Variants in MYT1L observed in about 807,000 individuals in gnomAD.
MYT1L encodes the protein myelin transcription factor 1 like.
MYT1L carries 12 observed loss-of-function variants against 126.7 expected under a neutral mutation model. That is an observed-to-expected ratio of 0.09 (90% confidence interval 0.06 to 0.15). The LOEUF is 0.15. Ranked by LOEUF, MYT1L falls within the 10% of genes least tolerant of loss-of-function variation. The probability of loss-of-function intolerance (pLI) is 1.00; values close to 1 mark genes in which losing one functional copy is unlikely to be tolerated. For synonymous variants in MYT1L, 541 were observed against 604.2 expected, an observed-to-expected ratio of 0.90 and a Z score of 1.53; for missense variants, 979 against 1,585.2, an observed-to-expected ratio of 0.62 and a Z score of 6.49.
In MYT1L at chr2:2,134,596, G is replaced by T. The variant is rs187740500; in HGVS notation, c.-304+38276C>A. Among the ~76,000 whole-genome samples the T allele has an allele frequency of 1.1e-3, 172 of 152,240 alleles. 1 individual carries two copies. The highest frequency in any genetic ancestry group is 3.5e-3 in the African/African-American group (146 of 41,552). On this transcript the variant is annotated intron_variant, in intron 3 of 24. Coordinates refer to ENST00000647738, the MANE Select transcript of MYT1L (RefSeq NM_001303052.2). ...TGGAATTAGTGCCCTGGTAAGAAGA[G>T]AAAGAGAGACCAGAGCTCTCTCTCT...
intron 2 of MYT1L, among the ~76,000 whole-genome samples, chr2:2,267,299 C>T (rs556343869): frequency 2.6e-5 from 4 of 152,334 alleles, no homozygotes; most frequent in African/African-American, 7.2e-5. Context: ...GAAGCTCAAG[C>T]ACAGGGGCCT....
chr2:2,240,068 T>G (rs1389854589), intron 2 of MYT1L, among the ~76,000 whole-genome samples: 1 of 151,974 alleles, frequency 6.6e-6, no homozygotes, highest in African/African-American at 2.4e-5. Context: ...GAGGCCGAGG[T>G]GGGCAGATCA....
At chr2:1,888,433 C>A (rs1408396448) in intron 16 of MYT1L, among the ~76,000 whole-genome samples, 1 of 152,220 alleles carries the variant, frequency 6.6e-6, no homozygotes, top group African/African-American at 2.4e-5. Context: ...GGCTTATAAG[C>A]AGGTGCCCTC....
chr2:2,169,110 G>A (rs2089621011), intron 3 of MYT1L, among the ~76,000 whole-genome samples: 1 of 152,150 alleles, frequency 6.6e-6, no homozygotes, highest in Non-Finnish European at 1.5e-5. Flanking sequence ...CTGAAACTCA[G>A]GTTCAAGGAG....
At chr2:2,298,843 A>T (rs1237939882) in intron 1 of MYT1L, among the ~76,000 whole-genome samples, 1 of 151,906 alleles carries the variant, frequency 6.6e-6, no homozygotes, top group Non-Finnish European at 1.5e-5. Context: ...CTCTGTGTTT[A>T]TTTTTTTATT....
chr2:1,827,676 C>T (rs1209548422), intron 21 of MYT1L: 1 of 152,194 alleles, frequency 6.6e-6, no homozygotes, highest in Non-Finnish European at 1.5e-5. Context: ...CAGTGCAGAG[C>T]AACTGGAACC....
At chr2:2,027,199 G>A (rs1483470303) in intron 4 of MYT1L, among the ~76,000 whole-genome samples, 1 of 152,136 alleles carries the variant, frequency 6.6e-6, no homozygotes, top group South Asian at 2.1e-4. Context: ...ATCCGGATCC[G>A]GATCTGGAGC....
chr2:2,006,721 G>A (rs548464243), intron 4 of MYT1L, among the ~76,000 whole-genome samples: 2 of 151,988 alleles, frequency 1.3e-5, no homozygotes, highest in Admixed American at 1.3e-4. Context: ...GACTACAAAT[G>A]CACATCACCA....
intron 2 of MYT1L, among the ~76,000 whole-genome samples, chr2:2,173,896 C>G (rs2090401334): frequency 6.6e-6 from 1 of 152,304 alleles, no homozygotes; most frequent in Non-Finnish European, 1.5e-5. Context: ...CTAACAGATA[C>G]TGTACTTCCC....
chr2:1,797,899 C>G (rs13428778), intron 23 of MYT1L, among the ~76,000 whole-genome samples: 2 of 60,776 alleles, frequency 3.3e-5, no homozygotes, highest in African/African-American at 1.2e-4. Flanking sequence ...GCGGTCTCCC[C>G]CTTCTCCGGC....
intron 21 of MYT1L, 38 bp downstream of exon 21, chr2:1,839,111 A>G (rs1347744669): frequency 6.4e-7 from 1 of 1,557,762 alleles, no homozygotes; most frequent in Admixed American, 1.8e-5. Context: ...TCTCGGCGGC[A>G]CCATCCCAGC....
chr2:1,934,277 TTTGA>T (rs1156626228), intron 9 of MYT1L, among the ~76,000 whole-genome samples: 1 of 139,626 alleles, frequency 7.2e-6, no homozygotes, highest in Non-Finnish European at 1.5e-5. Context: ...CCCGCCTGAT[TTTGA>T]TTTTTATAAC....
intron 8 of MYT1L, among the ~76,000 whole-genome samples, chr2:1,956,584 CT>C (rs2058475762): frequency 7.0e-6 from 1 of 143,360 alleles, no homozygotes; most frequent in African/African-American, 2.7e-5. Context: ...TTCTATCTAT[CT>C]ATCTATCTAT....
Position 2,228,155 on chromosome 2 carries a change from G to A in MYT1L, c.-420-55167C>T, listed in dbSNP as rs6751468. Among the ~76,000 whole-genome samples, 2 of 152,074 alleles carry A rather than the reference G, an allele frequency of 1.3e-5. No homozygotes were observed. The highest frequency in any genetic ancestry group is 2.9e-5 in the Non-Finnish European group (2 of 68,014). ...AATATAATCATCATCACTATCATCA[G>A]TATAATCATTACCTACATAAAAGAC... On this transcript the variant is annotated intron_variant, in intron 2 of 24. Coordinates refer to ENST00000647738, the MANE Select transcript of MYT1L (RefSeq NM_001303052.2). The surrounding 1 kb of genome is among the most constrained non-coding windows in gnomAD (Gnocchi z 5.9).
intron 8 of MYT1L, among the ~76,000 whole-genome samples, chr2:1,947,834 A>G (rs2057374847): frequency 6.6e-6 from 1 of 152,260 alleles, no homozygotes; most frequent in African/African-American, 2.4e-5. Context: ...CTCTGCCAGG[A>G]CAATATTGGT....
chr2:2,083,672 A>G (rs2076067662), intron 3 of MYT1L, among the ~76,000 whole-genome samples: 1 of 152,246 alleles, frequency 6.6e-6, no homozygotes, highest in Non-Finnish European at 1.5e-5. Flanking sequence ...GAGGAGCAGG[A>G]CTGATTAGAA....
At position 2,009,704 on chromosome 2, in the gene MYT1L, T is replaced by A. The variant is rs148467876; in HGVS notation, c.-157-12357A>T. ...ATCCCTTTTGTTTATCTTATTTCAT[T>A]TCTTGTCTGACTGCTCTTGTTAGTA... On this transcript the variant is annotated intron_variant, in intron 4 of 24. Coordinates refer to ENST00000647738, the MANE Select transcript of MYT1L (RefSeq NM_001303052.2). Among the ~76,000 whole-genome samples the A allele has an allele frequency of 2.6e-3, 389 of 152,308 alleles. 1 individual carries two copies. Among genetic ancestry groups the A allele is most frequent in the African/African-American group, 9.1e-3 (378 of 41,566 alleles).
At chr2:1,914,695 G>A (rs770849211) in intron 11 of MYT1L, among the ~76,000 whole-genome samples, 30 of 152,118 alleles carry the variant, frequency 2.0e-4, no homozygotes, top group African/African-American at 6.8e-4. Flanking sequence ...CGGCCCTGGC[G>A]TCCTTAAGTT....
At chr2:2,078,715 T>C (rs1233138600) in intron 3 of MYT1L, among the ~76,000 whole-genome samples, 1 of 152,158 alleles carries the variant, frequency 6.6e-6, no homozygotes, top group East Asian at 1.9e-4. Flanking sequence ...ATTAAGGGGA[T>C]AGACAATAAA....
Sources: allele counts gnomAD v4.1 joint callset (sites outside exome capture counted in the v4.1 genomes callset), GRCh38; gene constraint gnomAD v4.1.1; non-coding constraint Gnocchi (gnomAD v3.1); transcripts MANE v1.5; gene names NCBI Gene and HGNC (gene_info 2026-07-23, HGNC 2026-07-21).